The following PPP3CC variants were observed in gnomAD, a reference collection of about 807,000 sequenced individuals.
PPP3CC encodes protein phosphatase 3 catalytic subunit gamma, also known as serine/threonine-protein phosphatase 2B catalytic subunit gamma isoform.
A neutral mutation model predicts 60.3 loss-of-function variants in PPP3CC; 35 were observed. The observed-to-expected ratio is 0.58, with a 90% CI of 0.44 to 0.77. PPP3CC has a LOEUF of 0.77. Among genes scored for constraint, PPP3CC ranks in the 30% least tolerant of loss-of-function variants. The pLI, the probability that PPP3CC is intolerant of heterozygous loss-of-function variation, is 0.00. For synonymous variants in PPP3CC, 206 were observed against 224.3 expected, an observed-to-expected ratio of 0.92 and a Z score of 0.73; for missense variants, 570 against 628.9, an observed-to-expected ratio of 0.91 and a Z score of 1.00.
intron 1 of PPP3CC, among the ~76,000 whole-genome samples, chr8:22,442,489 A>T (rs1836701159): frequency 1.3e-5 from 2 of 152,132 alleles, no homozygotes; most frequent in Non-Finnish European, 2.9e-5. Context: ...AGGGAGGGGG[A>T]AGAATTTTAG....
At chr8:22,535,516 CAA>C (rs1253601003) in intron 12 of PPP3CC, among the ~76,000 whole-genome samples, 1 of 151,112 alleles carries the variant, frequency 6.6e-6, no homozygotes, top group Non-Finnish European at 1.5e-5. Context: ...TTTTTTTTCC[CAA>C]GAGACAGAGT....
Position 22,475,126 on chromosome 8 carries a change from G to T in PPP3CC, c.222G>T (p.Met74Ile). 1 of 1,612,068 alleles carries T rather than the reference G, an allele frequency of 6.2e-7. No individual in the cohort carries two copies. The highest frequency in any genetic ancestry group is 8.5e-7 in the Non-Finnish European group (1 of 1,178,712). The part of the protein sequence containing the change: ...GAAILRQEKT[M>I]IEVDAPITVC... ...CCATCCTGAGGCAAGAGAAGACTATGATAGAAGTAGATGCTCCAATCACAG... is the reference window on the plus strand; with the variant it reads ...CCATCCTGAGGCAAGAGAAGACTATTATAGAAGTAGATGCTCCAATCACAG... Residue 74 changes from methionine to isoleucine, a missense_variant, in exon 2 of 14, where the codon ATG becomes ATT. Physicochemically the swap from Met to Ile is conservative, Grantham distance 10. Transcript: ENST00000240139.
chr8:22,494,762 T>C (rs1406182627), intron 3 of PPP3CC, among the ~76,000 whole-genome samples: 2 of 152,234 alleles, frequency 1.3e-5, no homozygotes, highest in African/African-American at 4.8e-5. Flanking sequence ...GCTCTCATGC[T>C]TTAAACAAGT....
At chr8:22,510,358 T>C (rs1839050912) in intron 4 of PPP3CC, among the ~76,000 whole-genome samples, 1 of 152,154 alleles carries the variant, frequency 6.6e-6, no homozygotes, top group African/African-American at 2.4e-5. Context: ...ATAATTTGTT[T>C]ACAGACCTTA....
chr8:22,462,981 A>C (rs142837985), intron 1 of PPP3CC, among the ~76,000 whole-genome samples: 1 of 152,274 alleles, frequency 6.6e-6, no homozygotes, highest in Non-Finnish European at 1.5e-5. Flanking sequence ...TGGGCAACCA[A>C]ATATATTTTT....
At chr8:22,525,422 TTCTC>T (rs1041078927) in intron 8 of PPP3CC, among the ~76,000 whole-genome samples, 1 of 151,862 alleles carries the variant, frequency 6.6e-6, no homozygotes. Context: ...TTCTTTCTCT[TTCTC>T]TCTTTTCTTT....
chr8:22,495,322 CT>C (rs1402291624), intron 3 of PPP3CC, among the ~76,000 whole-genome samples: 1 of 152,084 alleles, frequency 6.6e-6, no homozygotes, highest in Non-Finnish European at 1.5e-5. Context: ...CTTTCTCATC[CT>C]TGTGCTTTAT....
intron 3 of PPP3CC, among the ~76,000 whole-genome samples, chr8:22,494,734 C>T (rs1393078028): frequency 6.6e-6 from 1 of 152,154 alleles, no homozygotes; most frequent in East Asian, 1.9e-4. Flanking sequence ...TAAGGCCACA[C>T]TCTCCCTTCT....
At chr8:22,498,220 C>A in intron 4 of PPP3CC, 108 bp downstream of exon 4, 1 of 601,544 alleles carries the variant, frequency 1.7e-6, no homozygotes, top group Non-Finnish European at 2.7e-6. Flanking sequence ...GCTTCCTGTC[C>A]TGTTGTTATT....
intron 12 of PPP3CC, 80 bp from the exon 13 acceptor site, chr8:22,539,389 G>A: frequency 6.7e-7 from 1 of 1,501,062 alleles, no homozygotes; most frequent in Non-Finnish European, 9.2e-7. Context: ...TGGGATGGCT[G>A]TGCTGCCATC....
intron 8 of PPP3CC, among the ~76,000 whole-genome samples, chr8:22,525,712 T>C (rs2469753): frequency 0.5 from 75,419 of 150,774 alleles, 19,075 homozygotes; most frequent in East Asian, 0.6. Flanking sequence ...TGCATGCCGC[T>C]ACACCTGGCT....
chr8:22,503,669 G>A (rs1838828206), intron 4 of PPP3CC, among the ~76,000 whole-genome samples: 9 of 152,066 alleles, frequency 5.9e-5, no homozygotes, highest in Admixed American at 5.2e-4. Context: ...GGAACAATAG[G>A]TCCTGGAAAC....
intron 1 of PPP3CC, among the ~76,000 whole-genome samples, chr8:22,464,823 G>A (rs763748965): frequency 1.3e-5 from 2 of 152,132 alleles, no homozygotes; most frequent in Non-Finnish European, 2.9e-5. Context: ...GCTTGCCTCA[G>A]CTGGGATTAT....
intron 1 of PPP3CC, among the ~76,000 whole-genome samples, chr8:22,458,868 C>T (rs940502373): frequency 2.0e-5 from 3 of 152,054 alleles, no homozygotes; most frequent in Admixed American, 2.0e-4. Context: ...TCTTTCCTAC[C>T]TCTTATTATT....
intron 1 of PPP3CC, among the ~76,000 whole-genome samples, chr8:22,470,760 A>G (rs1425948168): frequency 6.6e-6 from 1 of 152,202 alleles, no homozygotes; most frequent in Non-Finnish European, 1.5e-5. Context: ...GATGAGCAAT[A>G]TTGAGTGTTG....
intron 6 of PPP3CC, among the ~76,000 whole-genome samples, chr8:22,516,182 C>T (rs1033378222): frequency 6.6e-6 from 1 of 152,130 alleles, no homozygotes; most frequent in Non-Finnish European, 1.5e-5. Flanking sequence ...TCAAGTGACC[C>T]TCCCTACTTG....
chr8:22,502,552 G>A (rs1304135342), intron 4 of PPP3CC, among the ~76,000 whole-genome samples: 1 of 152,104 alleles, frequency 6.6e-6, no homozygotes, highest in Admixed American at 6.6e-5. Context: ...GCTGAGTGTG[G>A]TGGCATGTGC....
At chr8:22,443,786 C>G (rs1836746317) in intron 1 of PPP3CC, among the ~76,000 whole-genome samples, 3 of 152,100 alleles carry the variant, frequency 2.0e-5, no homozygotes, top group Admixed American at 6.6e-5. Flanking sequence ...ACTTATGGTG[C>G]TTTTTTCAGG....
intron 5 of PPP3CC, among the ~76,000 whole-genome samples, chr8:22,513,025 G>A (rs1254346494): frequency 3.3e-5 from 5 of 151,386 alleles, no homozygotes; most frequent in Middle Eastern, 6.3e-3. Context: ...GCGGTGAGCC[G>A]AGATCGTGCC....
Sources: allele counts gnomAD v4.1 joint callset (sites outside exome capture counted in the v4.1 genomes callset), GRCh38; gene constraint gnomAD v4.1.1; transcripts MANE v1.5; gene names NCBI Gene and HGNC (gene_info 2026-07-23, HGNC 2026-07-21).